Variants in GSAP observed in about 807,000 individuals in gnomAD.
The protein encoded by GSAP is gamma-secretase-activating protein.
A neutral mutation model predicts 131.7 loss-of-function variants in GSAP; 118 were observed. That is an observed-to-expected ratio of 0.90 (90% CI 0.77 to 1.04). The LOEUF (loss-of-function observed/expected upper bound fraction) is 1.04. Among genes scored for constraint, GSAP ranks in the 50% least tolerant of loss-of-function variants. GSAP has a pLI of 0.00. For synonymous variants in GSAP, 381 were observed against 363.4 expected (o/e 1.05, Z -0.55); for missense variants, 1,019 against 1,013.2 (o/e 1.01, Z -0.08).
At chr7:77,357,394 G>A (rs543794014) in intron 14 of GSAP, among the ~76,000 whole-genome samples, 1 of 152,134 alleles carries the variant, frequency 6.6e-6, no homozygotes, top group East Asian at 1.9e-4. Flanking sequence ...GACTATCCTG[G>A]AATATCCAGG....
chr7:77,372,921 A>G (rs1796351746), intron 12 of GSAP, among the ~76,000 whole-genome samples: 1 of 152,184 alleles, frequency 6.6e-6, no homozygotes, highest in East Asian at 1.9e-4. Flanking sequence ...CTACTGAAAT[A>G]CCACGTCCTT....
At chr7:77,369,132 AT>A (rs1195196646) in intron 12 of GSAP, among the ~76,000 whole-genome samples, 1 of 152,194 alleles carries the variant, frequency 6.6e-6, no homozygotes, top group African/African-American at 2.4e-5. Flanking sequence ...AGTTATATGA[AT>A]AGGAAGGAGA....
intron 26 of GSAP, among the ~76,000 whole-genome samples, chr7:77,317,804 A>G (rs993485067): frequency 5.3e-5 from 8 of 152,218 alleles, no homozygotes; most frequent in Non-Finnish European, 1.0e-4. Context: ...TTGTGTTAAC[A>G]ACAAACAATT....
chr7:77,415,518 A>G (rs1177777387), intron 1 of GSAP: 1 of 152,304 alleles, frequency 6.6e-6, no homozygotes, highest in African/African-American at 2.4e-5. Flanking sequence ...AAATCATCAA[A>G]AAGCCCGGAG....
At position 77,362,618 on chromosome 7, in the gene GSAP, C is replaced by T. The variant is rs1527263; in HGVS notation, c.914G>A (p.Gly305Glu). ...VCYSPKCASW[G>E]QITYSVFYIH... ...GTAAAACACTGAATATGTGATTTGT[C>T]CCCAAGAGGCACACTTCGGGCTGTA... Residue 305 changes from glycine (G) to glutamate (E), a missense_variant, in exon 13 of 31, where the codon GGA (glycine) becomes GAA (glutamate). Physicochemically the swap from Gly to Glu is moderately conservative, Grantham distance 98 (BLOSUM62 -2). Transcript: ENST00000257626. The T allele has an allele frequency of 0.26, 403,553 of 1,575,982 alleles. 56,272 individuals are homozygous for T. Among genetic ancestry groups the T allele is most frequent in the African/African-American group, 0.52 (38,021 of 73,800 alleles).
intron 22 of GSAP, 154 bp downstream of exon 22, chr7:77,328,452 G>A (rs1460722866): frequency 3.6e-6 from 5 of 1,372,192 alleles, no homozygotes; most frequent in Non-Finnish European, 4.7e-6. Flanking sequence ...GGGAAGAGCC[G>A]TGCGGCCACT....
intron 12 of GSAP, among the ~76,000 whole-genome samples, chr7:77,364,800 GA>G (rs935019828): frequency 6.6e-6 from 1 of 151,972 alleles, no homozygotes; most frequent in African/African-American, 2.4e-5. Flanking sequence ...ATCCCAAAGG[GA>G]AAAAAAGACA....
rs145545851 is a variant in GSAP, at chr7:77,330,942, T to A, written c.1546-575A>T. ...GCATTCTATCTAGATCTTTGAATTA[T>A]TGATATAATTGTACTACCCTGAAGC... On this transcript the variant is annotated intron_variant, in intron 19 of 30. Coordinates refer to ENST00000257626, the MANE Select transcript of GSAP (RefSeq NM_017439.4). 8.0e-5 allele frequency: 61 copies of A among 757,920 alleles called. 2 individuals carry two copies. The East Asian group carries it at 7.0e-3, about 87-fold the overall frequency. 46.9% of individuals were successfully genotyped at this position (757,920 alleles called of 1,614,324 possible).
At chr7:77,320,605 C>T (rs191733835) in intron 26 of GSAP, 120 bp downstream of exon 26, 108 of 666,388 alleles carry the variant, frequency 1.6e-4, no homozygotes, top group Admixed American at 1.6e-3. Context: ...ACAGTAACAC[C>T]AGATACACAA....
intron 19 of GSAP, among the ~76,000 whole-genome samples, chr7:77,344,684 G>A (rs1263893493): frequency 6.6e-6 from 1 of 152,128 alleles, no homozygotes; most frequent in Admixed American, 6.5e-5. Context: ...TTTTAGAGTG[G>A]ATAGATGATC....
intron 5 of GSAP, among the ~76,000 whole-genome samples, chr7:77,396,013 G>C (rs919782114): frequency 6.6e-6 from 1 of 152,154 alleles, no homozygotes; most frequent in African/African-American, 2.4e-5. Flanking sequence ...TTTTTAAATA[G>C]ATTCAAGCCA....
intron 12 of GSAP, among the ~76,000 whole-genome samples, chr7:77,371,618 C>G (rs1028133544): frequency 2.0e-5 from 3 of 151,824 alleles, no homozygotes; most frequent in Non-Finnish European, 2.9e-5. Flanking sequence ...TGTATTTTTA[C>G]TAGAGACGGG....
At chr7:77,374,219 G>A in intron 11 of GSAP, 64 bp from the exon 12 acceptor site, 1 of 796,260 alleles carries the variant, frequency 1.3e-6, no homozygotes. Flanking sequence ...CATAAAGGAT[G>A]TGAGTAACCA....
intron 21 of GSAP, among the ~76,000 whole-genome samples, chr7:77,328,862 C>T (rs189460503): frequency 2.6e-5 from 4 of 152,134 alleles, no homozygotes; most frequent in Admixed American, 6.5e-5. Context: ...TAATTTAGAA[C>T]AACTGTAGCT....
chr7:77,353,730 G>T, intron 16 of GSAP, 89 bp from the exon 17 acceptor site: 3 of 751,184 alleles, frequency 4.0e-6, no homozygotes, highest in Non-Finnish European at 6.9e-6. Context: ...TGAATCTTTT[G>T]CATTCTATAC....
intron 1 of GSAP, among the ~76,000 whole-genome samples, chr7:77,412,776 CAAAAAAAA>C (rs34619648): frequency 1.3e-4 from 14 of 110,714 alleles, no homozygotes; most frequent in Non-Finnish European, 1.9e-4. Context: ...ACCAGTTTGA[CAAAAAAAA>C]AAAAAAAAAA....
At chr7:77,351,965 G>A (rs1452843283) in intron 18 of GSAP, among the ~76,000 whole-genome samples, 2 of 152,126 alleles carry the variant, frequency 1.3e-5, no homozygotes, top group Admixed American at 1.3e-4. Flanking sequence ...AGAAAAACGT[G>A]GGTGCCTAGA....
chr7:77,366,896 G>C (rs1163236499), intron 12 of GSAP, among the ~76,000 whole-genome samples: 1 of 152,062 alleles, frequency 6.6e-6, no homozygotes, highest in Non-Finnish European at 1.5e-5. Context: ...TGATTTCTTT[G>C]AGCAGTGTTT....
chr7:77,393,441 C>A (rs1247634469), intron 5 of GSAP, among the ~76,000 whole-genome samples: 3 of 152,042 alleles, frequency 2.0e-5, no homozygotes, highest in Admixed American at 6.6e-5. Context: ...TCTGACTCAT[C>A]TCCAAACTCC....
Sources: allele counts gnomAD v4.1 joint callset (sites outside exome capture counted in the v4.1 genomes callset), GRCh38; gene constraint gnomAD v4.1.1; transcripts MANE v1.5; gene names NCBI Gene and HGNC (gene_info 2026-07-23, HGNC 2026-07-21).